Variants in FAM227B observed in about 807,000 individuals in gnomAD.
FAM227B encodes the protein family with sequence similarity 227 member B.
In FAM227B, 88 loss-of-function variants were observed where a neutral mutation model predicts 73.8. The observed-to-expected ratio is 1.19, with a 90% CI of 1.00 to 1.42. The LOEUF is 1.42. Ranked by LOEUF, FAM227B falls within the 40% of genes most tolerant of loss-of-function variation. The pLI, the probability that FAM227B is intolerant of heterozygous loss-of-function variation, is 0.00. For missense variants in FAM227B, 632 were observed against 590.9 expected (o/e 1.07, Z -0.72); for synonymous variants, 210 against 190.5 (o/e 1.10, Z -0.84).
chr15:49,517,583 A>C (rs1173277215), intron 10 of FAM227B, among the ~76,000 whole-genome samples: 1 of 152,206 alleles, frequency 6.6e-6, no homozygotes, highest in African/African-American at 2.4e-5. Context: ...AAGCAGTGTA[A>C]GAAAAATCTA....
intron 9 of FAM227B, among the ~76,000 whole-genome samples, chr15:49,557,662 G>T (rs952368472): frequency 5.3e-5 from 8 of 152,166 alleles, no homozygotes; most frequent in Non-Finnish European, 7.4e-5. Flanking sequence ...GATGGAGAGT[G>T]GGGGAAGCTC....
chr15:49,498,833 A>G (rs1266631831), intron 11 of FAM227B, among the ~76,000 whole-genome samples: 1 of 152,230 alleles, frequency 6.6e-6, no homozygotes, highest in Non-Finnish European at 1.5e-5. Flanking sequence ...TATATCAGAC[A>G]AAACAGACTT....
chr15:49,553,694 G>A (rs1018922303), intron 9 of FAM227B, among the ~76,000 whole-genome samples: 10 of 152,176 alleles, frequency 6.6e-5, no homozygotes, highest in African/African-American at 2.4e-4. Flanking sequence ...ATGCCATGAG[G>A]AATATTGCCA....
chr15:49,546,656 T>C (rs2071940551), intron 9 of FAM227B, among the ~76,000 whole-genome samples: 1 of 152,234 alleles, frequency 6.6e-6, no homozygotes, highest in South Asian at 2.1e-4. Flanking sequence ...CCATTCTAAC[T>C]GGTGTGAGAT....
intron 9 of FAM227B, among the ~76,000 whole-genome samples, chr15:49,552,033 A>G (rs1220971111): frequency 6.6e-6 from 1 of 152,140 alleles, no homozygotes; most frequent in Admixed American, 6.5e-5. Flanking sequence ...CAACAGTTGC[A>G]GTGTTTTAAT....
chr15:49,443,918 T>A (rs151013799), intron 11 of FAM227B, among the ~76,000 whole-genome samples: 3 of 134,694 alleles, frequency 2.2e-5, no homozygotes, highest in African/African-American at 7.8e-5. Context: ...TTTTTTTCCC[T>A]GAGAGTCAGT....
intron 11 of FAM227B, among the ~76,000 whole-genome samples, chr15:49,449,137 G>A (rs2052493769): frequency 6.6e-6 from 1 of 151,952 alleles, no homozygotes; most frequent in South Asian, 2.1e-4. Flanking sequence ...TCAGTCTGTA[G>A]AGAACTGCTC....
At chr15:49,550,712 C>T (rs1190119730) in intron 9 of FAM227B, among the ~76,000 whole-genome samples, 7 of 151,758 alleles carry the variant, frequency 4.6e-5, no homozygotes, top group Non-Finnish European at 1.0e-4. Flanking sequence ...CTCCTCACTT[C>T]CTAGATGGGA....
chr15:49,507,678 G>C (rs549500359), intron 11 of FAM227B, among the ~76,000 whole-genome samples: 2 of 151,956 alleles, frequency 1.3e-5, no homozygotes, highest in Admixed American at 6.6e-5. Flanking sequence ...TAAATGAATT[G>C]GTATTTCAAG....
At chr15:49,545,946 T>TC (rs60735186) in intron 9 of FAM227B, among the ~76,000 whole-genome samples, 6,964 of 46,758 alleles carry the variant, frequency 0.15, 540 homozygotes, top group African/African-American at 0.31. Context: ...GAGTAGCTAT[T>TC]TTTTTTTTTT....
intron 3 of FAM227B, 27 bp from the exon 4 acceptor site, chr15:49,590,034 T>C (rs1372453318): frequency 8.8e-7 from 1 of 1,138,114 alleles, no homozygotes; most frequent in Non-Finnish European, 1.3e-6. Flanking sequence ...AGAGAGAATA[T>C]AGCTTAAGTC....
intron 11 of FAM227B, among the ~76,000 whole-genome samples, chr15:49,439,801 T>G (rs2051463793): frequency 6.6e-6 from 1 of 151,688 alleles, no homozygotes; most frequent in South Asian, 2.1e-4. Flanking sequence ...ACTGGATGAT[T>G]TGCTTGCTTA....
chr15:49,531,154 T>C (rs1317583417), intron 10 of FAM227B, among the ~76,000 whole-genome samples: 1 of 151,802 alleles, frequency 6.6e-6, no homozygotes, highest in Non-Finnish European at 1.5e-5. Flanking sequence ...TTTTGAAATA[T>C]TCTTAGGTAA....
chr15:49,348,328 C>G (rs1336368683), intron 13 of FAM227B, among the ~76,000 whole-genome samples: 1 of 152,108 alleles, frequency 6.6e-6, no homozygotes, highest in African/African-American at 2.4e-5. Flanking sequence ...ATGTTCAAGA[C>G]AAGTTCCCTA....
intron 11 of FAM227B, among the ~76,000 whole-genome samples, chr15:49,388,520 A>T (rs1251793707): frequency 6.6e-6 from 1 of 152,074 alleles, no homozygotes; most frequent in Non-Finnish European, 1.5e-5. Flanking sequence ...AGGACCTGAA[A>T]CTATACAAAT....
chr15:49,594,337 T>C (rs1191067204), intron 3 of FAM227B, among the ~76,000 whole-genome samples: 1 of 152,190 alleles, frequency 6.6e-6, no homozygotes, highest in African/African-American at 2.4e-5. Flanking sequence ...CTTTGTCCAA[T>C]GCACAGTTTA....
At chr15:49,449,227 G>T (rs933604260) in intron 11 of FAM227B, among the ~76,000 whole-genome samples, 1 of 151,768 alleles carries the variant, frequency 6.6e-6, no homozygotes, top group African/African-American at 2.4e-5. Context: ...GGCTCATATT[G>T]GGCTCCTAGT....
intron 11 of FAM227B, among the ~76,000 whole-genome samples, chr15:49,383,830 A>T (rs2046698524): frequency 6.6e-6 from 1 of 152,110 alleles, no homozygotes; most frequent in African/African-American, 2.4e-5. Flanking sequence ...AAAGAAAAAG[A>T]TAATGTGCCA....
intron 3 of FAM227B, among the ~76,000 whole-genome samples, chr15:49,608,594 G>A (rs1020412715): frequency 6.6e-6 from 1 of 151,732 alleles, no homozygotes; most frequent in African/African-American, 2.4e-5. Flanking sequence ...GGATTTAAAT[G>A]GATTAATGAA....
Sources: gnomAD v4.1 joint callset for allele counts (sites outside exome capture counted in the v4.1 genomes callset) on GRCh38, gnomAD v4.1.1 for gene constraint, MANE v1.5 for transcripts, NCBI Gene and HGNC (gene_info 2026-07-23, HGNC 2026-07-21) for gene names.